Variants in HNRNPH1 observed in about 807,000 individuals in gnomAD.
HNRNPH1 encodes the protein heterogeneous nuclear ribonucleoprotein H.
Under a neutral mutation model 58.6 loss-of-function variants are expected in HNRNPH1, and 4 were observed. That is an observed-to-expected ratio of 0.07 (90% confidence interval 0.03 to 0.16). The LOEUF (loss-of-function observed/expected upper bound fraction) is 0.16, where lower values mean the gene tolerates loss of function less well. Among genes scored for constraint, HNRNPH1 ranks in the 10% least tolerant of loss-of-function variants. The probability of loss-of-function intolerance (pLI) is 1.00; values close to 1 mark genes in which losing one functional copy is unlikely to be tolerated. For synonymous variants in HNRNPH1, 192 were observed against 189.2 expected, an observed-to-expected ratio of 1.01 and a Z score of -0.12; for missense variants, 271 against 564.2, an observed-to-expected ratio of 0.48 and a Z score of 5.26.
chr5:179,616,065 G>A, intron 11 of HNRNPH1, 61 bp downstream of exon 12: 5 of 1,363,796 alleles, frequency 3.7e-6, no homozygotes, highest in Non-Finnish European at 5.3e-6. Flanking sequence ...CTTACTCTAA[G>A]TACAGTAATG....
chr5:179,619,125 G>A (rs2127647841), intron 4 of HNRNPH1, 144 bp downstream of exon 5: 3 of 707,662 alleles, frequency 4.2e-6, no homozygotes, highest in Non-Finnish European at 6.8e-6. Flanking sequence ...TGTAACGTGG[G>A]ACTGACACAA....
At chr5:179,623,220 C>G (rs1464305476) in exon 1 of HNRNPH1, 2 of 956,478 alleles carry the variant, frequency 2.1e-6, no homozygotes, top group Admixed American at 2.1e-5. Context: ...CCTTCGCCTC[C>G]GAGGCGCGCC....
rs771086884 is a variant in HNRNPH1, at chr5:179,618,064, A to AAAGACAAAC, written c.716-5_716-4insGTTTGTCTT. 7.4e-6 allele frequency: 12 copies of AAAGACAAAC among 1,613,958 alleles called. No homozygotes were observed. Among genetic ancestry groups the AAAGACAAAC allele is most frequent in the Non-Finnish European group, 1.0e-5 (12 of 1,179,924 alleles). ...TAATCATCATAGCCTCCATAGCCTG[A>AAAGACAAAC]AAGACAAAGTACAATCAATCAAATA... is the stretch of plus-strand genomic sequence containing the variant. On this transcript the variant is annotated splice_region_variant and splice_polypyrimidine_tract_variant and intron_variant, in intron 5 of 12. Transcript: ENST00000356731.
intron 8 of HNRNPH1, 86 bp from the exon 10 acceptor site, chr5:179,617,196 A>C (rs962601027): frequency 7.7e-7 from 1 of 1,299,256 alleles, no homozygotes; most frequent in Non-Finnish European, 1.1e-6. Context: ...AAACAAGCAG[A>C]TCTGTGAACT....
intron 4 of HNRNPH1, chr5:179,618,880 G>A (rs964269780): frequency 6.2e-6 from 1 of 161,176 alleles, no homozygotes; most frequent in African/African-American, 2.4e-5. Context: ...TTTATATACA[G>A]CAAGAAAAAG....
chr5:179,615,623 T>C lies in HNRNPH1; in HGVS notation c.1301-28A>G, dbSNP rs767348755. The C allele has an allele frequency of 1.1e-5, 14 of 1,290,992 alleles. No homozygotes were observed. In the South Asian group the frequency reaches 1.8e-4, roughly 16 times the overall value. 80.0% of individuals were successfully genotyped at this position (1,290,992 alleles called of 1,614,324 possible). ...GCAAAAGGATTTTGTAGGGTAAGAC[T>C]ATAATACCAAAATCACCATTCTTTA... On this transcript the variant is annotated intron_variant, in intron 11 of 12. Transcript: ENST00000356731.
chr5:179,622,450 C>T (rs1161533679), intron 1 of HNRNPH1, among the ~76,000 whole-genome samples: 1 of 152,196 alleles, frequency 6.6e-6, no homozygotes, highest in African/African-American at 2.4e-5. Flanking sequence ...GTGGCTCACG[C>T]CTGTAATCCC....
At chr5:179,627,865 T>G (rs1308511467), upstream of HNRNPH1, among the ~76,000 whole-genome samples, 3 of 148,242 alleles carry the variant, frequency 2.0e-5, no homozygotes, top group Middle Eastern at 3.4e-3. Context: ...GAGGTTGCAG[T>G]GAGCAGAGAT....
rs1174001749 is a variant in HNRNPH1 at position 179,615,750 on chromosome 5, G to T, written c.1301-155C>A. 2.8e-5 allele frequency: 15 copies of T among 540,984 alleles called. No homozygotes were observed. In the South Asian group the frequency reaches 4.0e-4, roughly 14 times the overall value. The allele number at this position is 540,984 out of a possible 1,614,324, so 33.5% of individuals were successfully genotyped here. A position where few individuals can be genotyped will look rare whatever the true frequency, so the allele number is the denominator to read the frequency against. ...TTCTACTATTTCAAATTCTCCCTCTGTCTAAAACTGACTTAATGCTAACCA... is the reference window on the plus strand; with the variant it reads ...TTCTACTATTTCAAATTCTCCCTCTTTCTAAAACTGACTTAATGCTAACCA... On this transcript the variant is annotated intron_variant, in intron 11 of 12. Coordinates refer to ENST00000356731, the Ensembl canonical transcript of HNRNPH1.
chr5:179,624,264 C>G (rs961900310), exon 1 of HNRNPH1: 1 of 376,494 alleles, frequency 2.7e-6, no homozygotes, highest in South Asian at 1.5e-4. Context: ...CCGAAGCCAC[C>G]CGTATGGTGC....
intron 10 of HNRNPH1, 101 bp downstream of exon 11, chr5:179,616,768 T>G: frequency 9.5e-7 from 1 of 1,052,102 alleles, no homozygotes. Context: ...TTTGCCTAAG[T>G]TTCTTATGCT....
upstream of HNRNPH1, among the ~76,000 whole-genome samples, chr5:179,628,667 A>G (rs963931825): frequency 6.6e-6 from 1 of 152,150 alleles, no homozygotes; most frequent in Non-Finnish European, 1.5e-5. Context: ...TCAGCTGGGC[A>G]TGGTGGCTCA....
At chr5:179,627,358 ATT>A (rs1378030841), upstream of HNRNPH1, among the ~76,000 whole-genome samples, 3 of 144,306 alleles carry the variant, frequency 2.1e-5, no homozygotes, top group East Asian at 2.0e-4. Flanking sequence ...GGCCCGACTA[ATT>A]TTTTTTTTTT....
At chr5:179,624,520 C>G (rs917500522) in exon 1 of HNRNPH1, 9 of 398,640 alleles carry the variant, frequency 2.3e-5, no homozygotes, top group Middle Eastern at 6.2e-4. Flanking sequence ...GGCCTCTGCG[C>G]TCGGTAGGTT....
At chr5:179,617,959 T>G in intron 6 of HNRNPH1, 27 bp from the exon 8 acceptor site, 1 of 1,614,082 alleles carries the variant, frequency 6.2e-7, no homozygotes, top group Non-Finnish European at 8.5e-7. Flanking sequence ...GTAAGCATCC[T>G]TCAACTGAGA....
intron 4 of HNRNPH1, 182 bp from the exon 6 acceptor site, chr5:179,618,505 A>G (rs1770842287): frequency 4.3e-6 from 2 of 465,668 alleles, no homozygotes; most frequent in Non-Finnish European, 7.5e-6. Context: ...AAATAGTAAG[A>G]CAATGTAAAC....
chr5:179,617,421 C>T, intron 8 of HNRNPH1, 93 bp downstream of exon 9: 1 of 1,397,096 alleles, frequency 7.2e-7, no homozygotes, highest in Non-Finnish European at 9.8e-7. Context: ...GGAGAGGAAA[C>T]TTCTCATATA....
upstream of HNRNPH1, among the ~76,000 whole-genome samples, chr5:179,624,943 G>A (rs1027414422): frequency 3.3e-5 from 5 of 152,202 alleles, no homozygotes; most frequent in Non-Finnish European, 7.3e-5. Flanking sequence ...AAAGACAGGA[G>A]CCCAGAGCTA....
intron 2 of HNRNPH1, among the ~76,000 whole-genome samples, chr5:179,631,941 T>G (rs1241484058): frequency 1.3e-5 from 2 of 152,182 alleles, no homozygotes; most frequent in East Asian, 3.9e-4. Context: ...TTTAAATTTC[T>G]GAGTGATAAA....
Sources: allele counts gnomAD v4.1 joint callset (sites outside exome capture counted in the v4.1 genomes callset), GRCh38; gene constraint gnomAD v4.1.1; transcripts MANE v1.5; gene names NCBI Gene and HGNC (gene_info 2026-07-23, HGNC 2026-07-21).